Variants in TFDP1 observed in about 807,000 individuals in gnomAD.
TFDP1 encodes DRTF1-polypeptide 1.
A neutral mutation model predicts 48.0 loss-of-function variants in TFDP1; 6 were observed. The observed-to-expected ratio is 0.13, with a 90% CI of 0.07 to 0.25. The LOEUF (loss-of-function observed/expected upper bound fraction) is 0.25, where lower values mean the gene tolerates loss of function less well. Among genes scored for constraint, TFDP1 ranks in the 10% least tolerant of loss-of-function variants. TFDP1 has a pLI of 1.00. For missense variants in TFDP1, 335 were observed against 543.0 expected (o/e 0.62, Z 3.81); for synonymous variants, 201 against 211.6 (o/e 0.95, Z 0.44).
intron 3 of TFDP1, among the ~76,000 whole-genome samples, chr13:113,621,602 G>A (rs542240313): frequency 6.6e-6 from 1 of 152,296 alleles, no homozygotes; most frequent in East Asian, 1.9e-4. Flanking sequence ...AGGAGCTGAG[G>A]GGACATAGTG....
In TFDP1 at chr13:113,633,345, T is replaced by A. The variant is rs1249421294; in HGVS notation, c.474+60T>A. On this transcript the variant is annotated intron_variant, in intron 6 of 11. Coordinates refer to ENST00000375370, the MANE Select transcript of TFDP1 (RefSeq NM_007111.5). This position sits in a 1 kb window ranked among gnomAD's most constrained non-coding sequence, Gnocchi z 4.5. ...GCGGAGCCCAGCGGTGTGGTACGTT[T>A]CGCTCTTTTAATATCGGGAACAGTT... 80 of 1,161,874 alleles carry A rather than the reference T, an allele frequency of 6.9e-5. No individual in the cohort carries two copies. The South Asian group carries it at 1.0e-3, about 15-fold the overall frequency. 72.0% of individuals were successfully genotyped at this position (1,161,874 alleles called of 1,614,324 possible). A position where few individuals can be genotyped will look rare whatever the true frequency, so the allele number is the denominator to read the frequency against.
rs1190582810 is a variant in TFDP1, at chr13:113,641,146, A to G, written c.*879A>G. On this transcript the variant is annotated 3_prime_UTR_variant, in exon 12 of 12. Coordinates refer to ENST00000375370, the MANE Select transcript of TFDP1 (RefSeq NM_007111.5). ...TTTGTTTCATAAGCATCTTCCTGTAATCTATTATAAAATTGAAATTAAATA... is the reference window on the plus strand; with the variant it reads ...TTTGTTTCATAAGCATCTTCCTGTAGTCTATTATAAAATTGAAATTAAATA... 23 of 152,654 alleles carry G rather than the reference A, an allele frequency of 1.5e-4. No individual in the cohort carries two copies. Among genetic ancestry groups the G allele is most frequent in the Admixed American group, 1.2e-3 (18 of 15,290 alleles). 9.5% of individuals were successfully genotyped at this position (152,654 alleles called of 1,614,324 possible). A position where few individuals can be genotyped will look rare whatever the true frequency, so the allele number is the denominator to read the frequency against.
At chr13:113,587,738 A>G (rs1280524428) in intron 2 of TFDP1, among the ~76,000 whole-genome samples, 6 of 151,940 alleles carry the variant, frequency 3.9e-5, no homozygotes, top group African/African-American at 7.2e-5. Flanking sequence ...CACCCGCCTT[A>G]CAGGCGTGAG....
chr13:113,626,859 A>G (rs571553905), intron 4 of TFDP1, among the ~76,000 whole-genome samples: 21 of 152,364 alleles, frequency 1.4e-4, no homozygotes, highest in South Asian at 1.2e-3. Flanking sequence ...GCTGTGTGTC[A>G]TAGCAGAGTT....
At chr13:113,610,792 G>A (rs555330020) in intron 2 of TFDP1, among the ~76,000 whole-genome samples, 1 of 152,314 alleles carries the variant, frequency 6.6e-6, no homozygotes, top group South Asian at 2.1e-4. Context: ...TGCTGTTTTG[G>A]CCCTGTAGGT....
chr13:113,631,801 C>G (rs1477771499), intron 5 of TFDP1, 57 bp downstream of exon 5: 1 of 1,599,372 alleles, frequency 6.3e-7, no homozygotes, highest in Non-Finnish European at 8.5e-7. Flanking sequence ...TTCGCACCTC[C>G]ACGTTCTCCT....
intron 3 of TFDP1, among the ~76,000 whole-genome samples, chr13:113,614,154 G>T (rs1356706357): frequency 1.3e-5 from 2 of 151,776 alleles, no homozygotes; most frequent in South Asian, 4.2e-4. Context: ...GCGTGTGCAT[G>T]TGTGTGTGTT....
intron 4 of TFDP1, among the ~76,000 whole-genome samples, chr13:113,624,937 CT>C: frequency 6.8e-6 from 1 of 147,518 alleles, no homozygotes; most frequent in Non-Finnish European, 1.5e-5. Context: ...TCTCAGGTGT[CT>C]CTCACATGTC....
intron 2 of TFDP1, 44 bp from the exon 3 acceptor site, chr13:113,610,952 C>T: frequency 3.8e-6 from 6 of 1,588,050 alleles, no homozygotes; most frequent in Non-Finnish European, 5.2e-6. Flanking sequence ...GTTTCGTAGC[C>T]CTTTTAGCTG....
intron 2 of TFDP1, among the ~76,000 whole-genome samples, chr13:113,608,736 C>T (rs2048632403): frequency 6.6e-6 from 1 of 152,236 alleles, no homozygotes; most frequent in Non-Finnish European, 1.5e-5. Context: ...GCTTTCACCT[C>T]CTTGGTCATA....
chr13:113,621,355 C>T (rs945485430), intron 3 of TFDP1, among the ~76,000 whole-genome samples: 2 of 152,216 alleles, frequency 1.3e-5, no homozygotes, highest in African/African-American at 4.8e-5. Context: ...CTCCCCCAGC[C>T]GTGGGGTGGG....
intron 4 of TFDP1, among the ~76,000 whole-genome samples, chr13:113,625,780 TGTCCTCAGGCGTCTCTCAC>T (rs2049148806): frequency 3.3e-5 from 4 of 122,276 alleles, no homozygotes; most frequent in Admixed American, 7.8e-5. Context: ...GTCTCTCACG[TGTCCTCAGGCGTCTCTCAC>T]GTGTCCTCAG....
chr13:113,617,950 A>G (rs1566659932), intron 3 of TFDP1, among the ~76,000 whole-genome samples: 1 of 152,258 alleles, frequency 6.6e-6, no homozygotes, highest in East Asian at 1.9e-4. Context: ...AACTGAGACC[A>G]TATATATTCT....
chr13:113,613,758 G>A (rs1466254970), intron 3 of TFDP1, among the ~76,000 whole-genome samples: 1 of 151,990 alleles, frequency 6.6e-6, no homozygotes. Context: ...ATGCGTGAAT[G>A]CGTGGGTGTG....
chr13:113,593,398 G>T (rs553479133), intron 2 of TFDP1, among the ~76,000 whole-genome samples: 2 of 142,348 alleles, frequency 1.4e-5, no homozygotes, highest in African/African-American at 5.3e-5. Flanking sequence ...GTGTGTGCGG[G>T]TCCTCAGCCC....
intron 3 of TFDP1, among the ~76,000 whole-genome samples, chr13:113,619,063 C>T (rs927010556): frequency 1.3e-5 from 2 of 152,176 alleles, no homozygotes; most frequent in Non-Finnish European, 2.9e-5. Flanking sequence ...TTTATTTCTG[C>T]TCTTTATGTC....
chr13:113,601,496 C>G (rs570232161), intron 2 of TFDP1, among the ~76,000 whole-genome samples: 8 of 152,310 alleles, frequency 5.3e-5, no homozygotes, highest in African/African-American at 1.9e-4. Context: ...CTCACCCTCA[C>G]CAGGCTCTGG....
chr13:113,634,585 C>A lies in TFDP1; in HGVS notation c.670C>A (p.Gln224Lys). ...AATAAAACAGAAACAGTCTCAACTT[C>A]AAGAACTTATTCTACAGGTAAGAGA... is the stretch of plus-strand genomic sequence containing the variant. ...ERIKQKQSQL[Q>K]ELILQQIAFK... Residue 224 changes from glutamine (Q) to lysine (K), a missense_variant, in exon 8 of 12, where the codon CAA (glutamine) becomes AAA (lysine). Gln to Lys is a moderately conservative substitution (Grantham distance 53, BLOSUM62 1). Coordinates refer to ENST00000375370, the MANE Select transcript of TFDP1 (RefSeq NM_007111.5). 1 of 1,612,792 alleles carries A rather than the reference C, an allele frequency of 6.2e-7. No individual in the cohort carries two copies. The highest frequency in any genetic ancestry group is 8.5e-7 in the Non-Finnish European group (1 of 1,179,514).
intron 3 of TFDP1, among the ~76,000 whole-genome samples, chr13:113,613,894 C>T (rs2048782525): frequency 7.0e-6 from 1 of 142,940 alleles, no homozygotes; most frequent in Admixed American, 6.9e-5. Flanking sequence ...TGTGAGTGTA[C>T]CTGTGAGTTT....
Sources: gnomAD v4.1 joint callset for allele counts (sites outside exome capture counted in the v4.1 genomes callset) on GRCh38, gnomAD v4.1.1 for gene constraint, Gnocchi (gnomAD v3.1) non-coding constraint, MANE v1.5 for transcripts, NCBI Gene and HGNC (gene_info 2026-07-23, HGNC 2026-07-21) for gene names.